FSTL4: variants seen among roughly 807,000 people sequenced by gnomAD.
The protein encoded by FSTL4 is follistatin like 4.
Under a neutral mutation model 78.2 loss-of-function variants are expected in FSTL4, and 28 were observed. The ratio of observed to expected loss-of-function variants is 0.36; its 90% CI spans 0.27 to 0.49. The LOEUF is 0.49. Among genes scored for constraint, FSTL4 ranks in the 20% least tolerant of loss-of-function variants. FSTL4 has a pLI of 0.98. For missense variants in FSTL4, 922 were observed against 1,084.9 expected, an observed-to-expected ratio of 0.85 and a Z score of 2.11; for synonymous variants, 422 against 440.5, an observed-to-expected ratio of 0.96 and a Z score of 0.53.
intron 6 of FSTL4, among the ~76,000 whole-genome samples, chr5:133,301,656 G>T (rs1048400739): frequency 1.3e-5 from 2 of 152,180 alleles, no homozygotes; most frequent in African/African-American, 4.8e-5. Flanking sequence ...ATAAACAGTT[G>T]TTCTGCCTGA....
In FSTL4 at chr5:133,611,924, CG is replaced by C. The variant is rs562204811; in HGVS notation, c.-11+400del. Among the ~76,000 whole-genome samples the C allele has an allele frequency of 3.3e-3, 495 of 151,926 alleles. 1 individual carries two copies. The highest frequency in any genetic ancestry group is 0.012 in the African/African-American group (479 of 41,478). On this transcript the variant is annotated intron_variant, in intron 1 of 15. Coordinates refer to ENST00000265342, the MANE Select transcript of FSTL4 (RefSeq NM_015082.2). The surrounding 1 kb of genome is among the most constrained non-coding windows in gnomAD (Gnocchi z 4.9). ...CTCGCCTGGCTCCGCCGGGGCCGCT[CG>C]GGGTCCTGAACCCAAGAACGGCGCC...
chr5:133,207,262 GTTGT>G (rs754750499), intron 14 of FSTL4, among the ~76,000 whole-genome samples: 47 of 152,136 alleles, frequency 3.1e-4, no homozygotes, highest in Admixed American at 4.6e-4. Context: ...TATTCGTTAC[GTTGT>G]TTGTTTGATA....
In FSTL4 at chr5:133,514,179, A is replaced by AATG. The variant is rs201470509; in HGVS notation, c.160+53004_160+53006dup. Among the ~76,000 whole-genome samples, 360 of 67,086 alleles carry AATG rather than the reference A, an allele frequency of 5.4e-3. 1 individual carries two copies. The highest frequency in any genetic ancestry group is 6.3e-3 in the Middle Eastern group (1 of 158). The allele number at this position is 67,086 out of a possible 152,430, so 44.0% of individuals were successfully genotyped here. A position where few individuals can be genotyped will look rare whatever the true frequency, so the allele number is the denominator to read the frequency against. On this transcript the variant is annotated intron_variant, in intron 3 of 15. Coordinates refer to ENST00000265342, the MANE Select transcript of FSTL4 (RefSeq NM_015082.2). The stretch of plus-strand genomic sequence containing the variant: ...GAGCTAAAGAGCAAGACTCCGTCTC[A>AATG]ATGATAATAATAATAATAATAATAA...
the FSTL4 span, among the ~76,000 whole-genome samples, chr5:133,725,997 G>C: frequency 6.6e-6 from 1 of 152,312 alleles, no homozygotes; most frequent in East Asian, 1.9e-4. Flanking sequence ...CCAGAGTCCA[G>C]ATCAAGCCAG....
At chr5:133,535,322 T>C (rs1351816479) in intron 3 of FSTL4, among the ~76,000 whole-genome samples, 1 of 152,188 alleles carries the variant, frequency 6.6e-6, no homozygotes, top group Non-Finnish European at 1.5e-5. Context: ...ATGTAACATG[T>C]CCATAATGGC....
At chr5:133,328,143 A>G (rs918497269) in intron 4 of FSTL4, among the ~76,000 whole-genome samples, 1 of 152,280 alleles carries the variant, frequency 6.6e-6, no homozygotes, top group Non-Finnish European at 1.5e-5. Context: ...GAGGCCATGC[A>G]GACCTTGCGC....
chr5:133,237,315 A>G (rs1280188512), intron 7 of FSTL4, among the ~76,000 whole-genome samples: 4 of 152,164 alleles, frequency 2.6e-5, no homozygotes, highest in African/African-American at 9.7e-5. Context: ...CCCATCGCGC[A>G]TGGATTCCCA....
intron 1 of FSTL4, among the ~76,000 whole-genome samples, chr5:133,609,878 G>A (rs1374912532): frequency 6.6e-6 from 1 of 152,152 alleles, no homozygotes; most frequent in Non-Finnish European, 1.5e-5. Flanking sequence ...CTTATGTTAT[G>A]CATTGAGACA....
At chr5:133,765,595 G>A in the FSTL4 span, among the ~76,000 whole-genome samples, 1 of 152,218 alleles carries the variant, frequency 6.6e-6, no homozygotes, top group African/African-American at 2.4e-5. Flanking sequence ...CTGGCTATCA[G>A]TGTGAGAGAG....
intron 2 of FSTL4, among the ~76,000 whole-genome samples, chr5:133,575,779 G>A (rs1332547684): frequency 2.6e-5 from 4 of 152,158 alleles, no homozygotes; most frequent in Admixed American, 1.3e-4. Context: ...GGTTATAAAT[G>A]AGACTTAGTG....
At chr5:133,396,452 C>T (rs1756050208) in intron 4 of FSTL4, among the ~76,000 whole-genome samples, 1 of 152,178 alleles carries the variant, frequency 6.6e-6, no homozygotes, top group South Asian at 2.1e-4. Flanking sequence ...CCCAGCACCT[C>T]TTGCTATAGG....
At chr5:133,831,484 C>G in the FSTL4 span, among the ~76,000 whole-genome samples, 1 of 152,168 alleles carries the variant, frequency 6.6e-6, no homozygotes, top group Non-Finnish European at 1.5e-5. Context: ...ATACTTCTGG[C>G]TAATGGCGTT....
chr5:133,410,382 G>C (rs1756454621), intron 3 of FSTL4, among the ~76,000 whole-genome samples: 1 of 152,154 alleles, frequency 6.6e-6, no homozygotes, highest in Non-Finnish European at 1.5e-5. Context: ...GGAGCCAAGG[G>C]GACCAGATGT....
intron 2 of FSTL4, among the ~76,000 whole-genome samples, chr5:133,601,844 C>A (rs995081906): frequency 2.0e-5 from 3 of 151,914 alleles, no homozygotes; most frequent in African/African-American, 4.8e-5. Context: ...CCACCACACC[C>A]AGCTCACTTT....
intron 13 of FSTL4, among the ~76,000 whole-genome samples, chr5:133,213,795 C>T (rs925972064): frequency 1.3e-5 from 2 of 152,102 alleles, no homozygotes; most frequent in African/African-American, 4.8e-5. Flanking sequence ...GTATCAAATA[C>T]TCCAAGTAAA....
At chr5:133,362,364 T>C (rs2126935590) in intron 4 of FSTL4, among the ~76,000 whole-genome samples, 1 of 152,352 alleles carries the variant, frequency 6.6e-6, no homozygotes, top group Non-Finnish European at 1.5e-5. Context: ...TTCAGGGCAA[T>C]ACATGGGGTG....
At chr5:133,775,457 C>A in the FSTL4 span, among the ~76,000 whole-genome samples, 1 of 152,116 alleles carries the variant, frequency 6.6e-6, no homozygotes, top group African/African-American at 2.4e-5. Context: ...CCCTCTATAA[C>A]AATTATTCAG....
the FSTL4 span, among the ~76,000 whole-genome samples, chr5:133,684,995 C>T: frequency 1.3e-5 from 2 of 152,218 alleles, no homozygotes; most frequent in East Asian, 3.9e-4. Flanking sequence ...CCCAGAGGAC[C>T]TGCTCCAAAC....
rs1255737527 is a variant in FSTL4, at chr5:133,321,377, G to A, written c.410-4725C>T. ...GTGTGTTGGGCCTGGCTCCCAGGTAGGGAGGGAATCAGATCTCTCCGGACA... is the reference window on the plus strand; with the variant it reads ...GTGTGTTGGGCCTGGCTCCCAGGTAAGGAGGGAATCAGATCTCTCCGGACA... On this transcript the variant is annotated intron_variant, in intron 4 of 15. Transcript: ENST00000265342. 2.0e-5 allele frequency among the ~76,000 whole-genome samples: 3 copies of A among 152,348 alleles called. No homozygotes were observed. The East Asian group carries it at 5.8e-4, about 29-fold the overall frequency.
Sources: allele counts gnomAD v4.1 joint callset (sites outside exome capture counted in the v4.1 genomes callset), GRCh38; gene constraint gnomAD v4.1.1; non-coding constraint Gnocchi (gnomAD v3.1); transcripts MANE v1.5; gene names NCBI Gene and HGNC (gene_info 2026-07-23, HGNC 2026-07-21).